TNS1: variants seen among roughly 807,000 people sequenced by gnomAD.
TNS1 encodes the protein tensin 1, also known as tensin-1.
TNS1 carries 62 observed loss-of-function variants against 168.6 expected under a neutral mutation model. That is an observed-to-expected ratio of 0.37 (90% CI 0.30 to 0.45). The LOEUF is 0.45. TNS1 is among the 20% of genes least tolerant of loss of function. The probability of loss-of-function intolerance (pLI) is 1.00; values close to 1 mark genes in which losing one functional copy is unlikely to be tolerated. For synonymous variants in TNS1, 934 were observed against 933.2 expected (o/e 1.00, Z -0.02); for missense variants, 2,240 against 2,339.4 (o/e 0.96, Z 0.88).
intron 12 of TNS1, chr2:217,890,588 C>T: frequency 4.5e-6 from 1 of 222,292 alleles, no homozygotes; most frequent in Non-Finnish European, 8.9e-6. Flanking sequence ...CAGCAGGGGG[C>T]AGTGATGCAG....
At chr2:217,903,679 A>C in intron 6 of TNS1, 1 of 1,334,216 alleles carries the variant, frequency 7.5e-7, no homozygotes, top group Non-Finnish European at 1.0e-6. Flanking sequence ...AGAGTGTCTT[A>C]CTTTTCTCAC....
intron 3 of TNS1, among the ~76,000 whole-genome samples, chr2:217,946,299 A>C (rs1330251611): frequency 1.3e-5 from 2 of 152,196 alleles, no homozygotes; most frequent in Non-Finnish European, 2.9e-5. Context: ...CCTGACATGC[A>C]GTGGGTCAGG....
At chr2:217,902,272 C>A (rs112675335) in intron 6 of TNS1, among the ~76,000 whole-genome samples, 6 of 152,312 alleles carry the variant, frequency 3.9e-5, no homozygotes, top group African/African-American at 1.2e-4. Context: ...CTGCTCCAGG[C>A]CCCAGGGCCA....
chr2:217,999,249 T>C (rs138582838), intron 1 of TNS1, among the ~76,000 whole-genome samples: 1 of 152,344 alleles, frequency 6.6e-6, no homozygotes, highest in Non-Finnish European at 1.5e-5. Context: ...TCTGACTTGC[T>C]GGGTAGCCTT....
Position 217,884,018 on chromosome 2 carries a change from C to T in TNS1, c.1246+1017G>A, listed in dbSNP as rs145088469. 5.0e-3 allele frequency among the ~76,000 whole-genome samples: 759 copies of T among 152,296 alleles called. 8 individuals carry two copies. Among genetic ancestry groups the T allele is most frequent in the African/African-American group, 0.018 (728 of 41,548 alleles). ...TTCATAGTATCATGTTTGTGTGTCT[C>T]TCACTGAGGAAACTGTGAACTCCCT... On this transcript the variant is annotated intron_variant, in intron 16 of 32. Transcript: ENST00000682258.
intron 1 of TNS1, among the ~76,000 whole-genome samples, chr2:217,999,290 CAT>C (rs1958520805): frequency 6.6e-6 from 1 of 152,210 alleles, no homozygotes; most frequent in South Asian, 2.1e-4. Context: ...GAAGCACTAA[CAT>C]TTCTTGAGCT....
intron 18 of TNS1, among the ~76,000 whole-genome samples, chr2:217,869,962 C>T (rs1476624647): frequency 6.6e-6 from 1 of 152,172 alleles, no homozygotes; most frequent in African/African-American, 2.4e-5. Flanking sequence ...CTCCAACATC[C>T]CGCTAAGGTC....
At position 217,897,814 on chromosome 2, in the gene TNS1, T is replaced by C. The variant is rs767046731; in HGVS notation, c.527A>G (p.His176Arg). Reference protein sequence around the residue: ...REVAQMLKSKHGGNYLLFNLS... With the variant: ...REVAQMLKSKRGGNYLLFNLS... The stretch of plus-strand genomic sequence containing the variant: ...CATCCTCACCAGGTAGTTGCCTCCA[T>C]GTTTGGACTTGAGCATCTGCGCCAC... Residue 176 changes from histidine to arginine, a missense_variant, in exon 8 of 33, where the codon CAT becomes CGT. His to Arg is a conservative substitution (Grantham distance 29, BLOSUM62 0). This residue lies in a region of TNS1 where 2,131 missense variants were observed against 2,171.2 expected (regional missense o/e 0.98). Coordinates refer to ENST00000682258, the MANE Select transcript of TNS1 (RefSeq NM_001387777.1). 6 of 1,605,656 alleles carry C rather than the reference T, an allele frequency of 3.7e-6. No homozygotes were observed. The highest frequency in any genetic ancestry group is 5.1e-6 in the Non-Finnish European group (6 of 1,175,744).
intron 18 of TNS1, among the ~76,000 whole-genome samples, chr2:217,850,874 C>A (rs1947392316): frequency 6.6e-6 from 1 of 152,142 alleles, no homozygotes; most frequent in South Asian, 2.1e-4. Flanking sequence ...ACAACAGTGA[C>A]CACCGTGCAG....
In TNS1 at chr2:217,897,368, C is replaced by A. The variant is rs1559321690; in HGVS notation, c.543+430G>T. ...CTCAGAGGCACCGACCCTGTGCCAG[C>A]TCTGCCACTTCCTGACCCTGCAACC... On this transcript the variant is annotated intron_variant, in intron 8 of 32. Coordinates refer to ENST00000682258, the MANE Select transcript of TNS1 (RefSeq NM_001387777.1). Among the ~76,000 whole-genome samples, 4 of 152,244 alleles carry A rather than the reference C, an allele frequency of 2.6e-5. No homozygotes were observed. The South Asian group carries it at 8.3e-4, about 31-fold the overall frequency.
At chr2:217,843,387 T>C (rs1270605727) in intron 19 of TNS1, among the ~76,000 whole-genome samples, 1 of 151,776 alleles carries the variant, frequency 6.6e-6, no homozygotes, top group Non-Finnish European at 1.5e-5. Flanking sequence ...CCCCTCCTCT[T>C]CTACATACAA....
chr2:217,874,872 G>T (rs1391087736), intron 18 of TNS1, among the ~76,000 whole-genome samples: 2 of 152,104 alleles, frequency 1.3e-5, no homozygotes, highest in African/African-American at 4.8e-5. Flanking sequence ...AAGTTACTTG[G>T]CCAAGAAACA....
chr2:217,848,245 G>A lies in TNS1; in HGVS notation c.2272C>T (p.Pro758Ser), dbSNP rs1201967243. 1.3e-6 allele frequency: 2 copies of A among 1,564,586 alleles called. No individual in the cohort carries two copies. Among genetic ancestry groups the A allele is most frequent in the African/African-American group, 2.7e-5 (2 of 73,582 alleles). ...SEAEPQLPPAPVRGGSSREAV... is the reference protein window; with the variant it reads ...SEAEPQLPPASVRGGSSREAV... ...TCCCGGCTGCTTCCCCCTCGGACCG[G>A]AGCTGGGGGCAGCTGGGGTTCAGCT... The change falls in exon 19 of 33, where the codon CCG becomes TCG. Residue 758 changes from proline to serine, a missense_variant. Pro to Ser is a moderately conservative substitution (Grantham distance 74). Around this residue, in one of 2 missense-constraint regions of TNS1, gnomAD observed 2,131 missense variants for 2,171.2 expected, o/e 0.98. Coordinates refer to ENST00000682258, the MANE Select transcript of TNS1 (RefSeq NM_001387777.1).
At chr2:217,956,240 G>A (rs1219551286) in intron 3 of TNS1, among the ~76,000 whole-genome samples, 1 of 151,954 alleles carries the variant, frequency 6.6e-6, no homozygotes, top group Non-Finnish European at 1.5e-5. Flanking sequence ...TGGGCTAAAG[G>A]GATCCTCCCA....
In TNS1 at chr2:217,813,969, T is replaced by A. The variant is rs1445795530; in HGVS notation, c.4730-153A>T. 1.3e-5 allele frequency: 12 copies of A among 908,178 alleles called. No homozygotes were observed. The highest frequency in any genetic ancestry group is 1.7e-5 in the Non-Finnish European group (11 of 657,994). The allele number at this position is 908,178 out of a possible 1,614,324, so 56.3% of individuals were successfully genotyped here. A position where few individuals can be genotyped will look rare whatever the true frequency, so the allele number is the denominator to read the frequency against. ...ATTTAACTACTCCTACGGGTCTTCCTGTACTCAGGTTGGCAAACTTATTCT... is the reference window on the plus strand; with the variant it reads ...ATTTAACTACTCCTACGGGTCTTCCAGTACTCAGGTTGGCAAACTTATTCT... On this transcript the variant is annotated intron_variant, in intron 25 of 32. Coordinates refer to ENST00000682258, the MANE Select transcript of TNS1 (RefSeq NM_001387777.1). The surrounding 1 kb of genome is among the most constrained non-coding windows in gnomAD (Gnocchi z 4.0).
intron 2 of TNS1, among the ~76,000 whole-genome samples, chr2:217,982,718 C>T (rs567044853): frequency 9.7e-4 from 147 of 152,158 alleles, no homozygotes; most frequent in African/African-American, 3.4e-3. Flanking sequence ...TATTTTAAAC[C>T]ACTAAGTTTA....
chr2:217,813,290 G>C lies in TNS1; in HGVS notation c.4879C>G (p.Leu1627Val). 1 of 1,591,970 alleles carries C rather than the reference G, an allele frequency of 6.3e-7. No individual in the cohort carries two copies. Among genetic ancestry groups the C allele is most frequent in the Non-Finnish European group, 8.6e-7 (1 of 1,167,486 alleles). Reference protein sequence around the residue: ...QNKKGDMTHELVRHFLIETGP... With the variant: ...QNKKGDMTHEVVRHFLIETGP... ...GTCTCTATCAGAAAATGCCTGACCA[G>C]CTCATGGGTCATGTCTCCTGGGACA... The change falls in exon 27 of 33, where the codon CTG becomes GTG. Residue 1627 changes from leucine (L) to valine (V), a missense_variant. By Grantham distance (32) the Leu-to-Val change is conservative. Transcript: ENST00000682258. This position sits in a 1 kb window ranked among gnomAD's most constrained non-coding sequence, Gnocchi z 4.0.
intron 19 of TNS1, chr2:217,841,142 T>C: frequency 1.2e-6 from 1 of 833,818 alleles, no homozygotes; most frequent in Non-Finnish European, 1.4e-6. Flanking sequence ...AAGAAACTGA[T>C]GCTCAAAAGT....
chr2:217,994,947 T>G (rs1958441557), intron 1 of TNS1, among the ~76,000 whole-genome samples: 1 of 152,146 alleles, frequency 6.6e-6, no homozygotes, highest in South Asian at 2.1e-4. Context: ...ATCAGTGACC[T>G]TTCCTGAGCC....
Sources: gnomAD v4.1 joint callset for allele counts (sites outside exome capture counted in the v4.1 genomes callset) on GRCh38, gnomAD v4.1.1 for gene constraint, gnomAD v4.1.1 regional missense constraint, Gnocchi (gnomAD v3.1) non-coding constraint, MANE v1.5 for transcripts, NCBI Gene and HGNC (gene_info 2026-07-23, HGNC 2026-07-21) for gene names.